COL25A1: variants seen among roughly 807,000 people sequenced by gnomAD.
The protein encoded by COL25A1 is collagen type XXV alpha 1 chain, also known as collagen alpha-1(XXV) chain.
A neutral mutation model predicts 128.4 loss-of-function variants in COL25A1; 103 were observed. The observed-to-expected ratio is 0.80, with a 90% CI of 0.68 to 0.94. The LOEUF is 0.94. COL25A1 is among the 40% of genes least tolerant of loss of function. The probability of loss-of-function intolerance (pLI) is 0.00; values close to 1 mark genes in which losing one functional copy is unlikely to be tolerated. For synonymous variants in COL25A1, 279 were observed against 277.2 expected, an observed-to-expected ratio of 1.01 and a Z score of -0.06; for missense variants, 745 against 840.0, an observed-to-expected ratio of 0.89 and a Z score of 1.40.
intron 4 of COL25A1, among the ~76,000 whole-genome samples, chr4:109,048,497 T>C (rs1227655139): frequency 2.0e-5 from 3 of 152,206 alleles, no homozygotes; most frequent in Admixed American, 6.5e-5. Context: ...GTATGAATTA[T>C]GAGAATATTT....
chr4:109,203,451 C>G (rs1201805533), intron 3 of COL25A1, among the ~76,000 whole-genome samples: 1 of 151,684 alleles, frequency 6.6e-6, no homozygotes, highest in African/African-American at 2.4e-5. Context: ...AGAGCCTCCC[C>G]CAAAGAAGAA....
In COL25A1 at chr4:109,288,962, T is replaced by TATATACAC. The variant is rs1021982305; in HGVS notation, c.367+11620_367+11621insGTGTATAT. ...ACTACCAGGAATACTAAATTATATA[T>TATATACAC]ACACACACACACACACACACACACA... On this transcript the variant is annotated intron_variant, in intron 3 of 37. Coordinates refer to ENST00000399132, the MANE Select transcript of COL25A1 (RefSeq NM_198721.4). 2.0e-3 allele frequency among the ~76,000 whole-genome samples: 270 copies of TATATACAC among 133,602 alleles called. 2 individuals carry two copies. Among genetic ancestry groups the TATATACAC allele is most frequent in the African/African-American group, 6.5e-3 (236 of 36,340 alleles). 87.6% of individuals were successfully genotyped at this position (133,602 alleles called of 152,430 possible). A position where few individuals can be genotyped will look rare whatever the true frequency, so the allele number is the denominator to read the frequency against.
intron 3 of COL25A1, among the ~76,000 whole-genome samples, chr4:109,196,426 T>C (rs1049661115): frequency 6.6e-6 from 1 of 152,142 alleles, no homozygotes; most frequent in African/African-American, 2.4e-5. Context: ...TATATATGTA[T>C]ATATAAATGT....
chr4:109,263,588 C>T lies in COL25A1; in HGVS notation c.367+36995G>A, dbSNP rs527567324. On this transcript the variant is annotated intron_variant, in intron 3 of 37. Coordinates refer to ENST00000399132, the MANE Select transcript of COL25A1 (RefSeq NM_198721.4). ...GTTTATTGGTTTCTACAATCAATTG[C>T]CGTGGAAAACTATAGCTCTGTTCGC... 6.6e-5 allele frequency among the ~76,000 whole-genome samples: 10 copies of T among 152,134 alleles called. No individual in the cohort carries two copies. In the South Asian group the frequency reaches 2.1e-3, roughly 32 times the overall value.
intron 5 of COL25A1, among the ~76,000 whole-genome samples, chr4:109,024,240 T>C (rs1228637796): frequency 1.4e-5 from 2 of 139,410 alleles, no homozygotes; most frequent in Non-Finnish European, 3.0e-5. Flanking sequence ...CATTTTCAAC[T>C]TACTCTGGAT....
chr4:109,005,597 T>C (rs4131963), intron 6 of COL25A1, among the ~76,000 whole-genome samples: 121,024 of 151,902 alleles, frequency 0.8, 49,313 homozygotes, highest in East Asian at 1. Context: ...ATAATAGAAG[T>C]AGACCATTAT....
At chr4:109,009,270 C>A (rs560757055) in intron 6 of COL25A1, among the ~76,000 whole-genome samples, 3 of 152,054 alleles carry the variant, frequency 2.0e-5, no homozygotes, top group Admixed American at 6.5e-5. Context: ...TTAATAATTG[C>A]CTTGAACCAA....
At chr4:108,846,799 C>A (rs184115230) in intron 27 of COL25A1, among the ~76,000 whole-genome samples, 148 of 152,114 alleles carry the variant, frequency 9.7e-4, no homozygotes, top group African/African-American at 3.3e-3. Flanking sequence ...TTATTTTGTT[C>A]TCATGATGTC....
chr4:109,168,895 C>T (rs1489318392), intron 3 of COL25A1, among the ~76,000 whole-genome samples: 1 of 152,130 alleles, frequency 6.6e-6, no homozygotes, highest in Non-Finnish European at 1.5e-5. Flanking sequence ...TGCCATTTTG[C>T]ATCCACACAT....
chr4:108,861,691 T>G (rs193031741), intron 22 of COL25A1, among the ~76,000 whole-genome samples: 205 of 152,324 alleles, frequency 1.3e-3, no homozygotes, highest in African/African-American at 4.5e-3. Flanking sequence ...GCCCTCAAAA[T>G]TCTTAGAAAT....
intron 31 of COL25A1, chr4:108,834,374 T>C: frequency 6.4e-7 from 1 of 1,550,514 alleles, no homozygotes; most frequent in East Asian, 2.4e-5. Context: ...TGGCTTTCCG[T>C]CTAAGCCAGA....
At chr4:109,101,844 T>C (rs1234233878) in intron 3 of COL25A1, among the ~76,000 whole-genome samples, 1 of 152,180 alleles carries the variant, frequency 6.6e-6, no homozygotes, top group Non-Finnish European at 1.5e-5. Context: ...CATCCTGAAC[T>C]TACTGAGCTA....
At chr4:109,036,014 G>A (rs1021521851) in intron 5 of COL25A1, among the ~76,000 whole-genome samples, 24 of 151,876 alleles carry the variant, frequency 1.6e-4, no homozygotes, top group Middle Eastern at 3.4e-3. Flanking sequence ...TGCAAGCTAC[G>A]CCTCCCAGGT....
At chr4:109,129,268 T>A (rs1768935440) in intron 3 of COL25A1, among the ~76,000 whole-genome samples, 1 of 152,004 alleles carries the variant, frequency 6.6e-6, no homozygotes, top group Non-Finnish European at 1.5e-5. Context: ...TAGGTGGGAT[T>A]ACAGGCCTGC....
intron 3 of COL25A1, among the ~76,000 whole-genome samples, chr4:109,087,805 T>C (rs1394603124): frequency 6.6e-6 from 1 of 152,138 alleles, no homozygotes; most frequent in Non-Finnish European, 1.5e-5. Context: ...CCTTGAATAA[T>C]TAGAATTCCC....
rs746459430 is a variant in COL25A1 at position 109,288,955 on chromosome 4, T to TTATATA, written c.367+11622_367+11627dup. ...CATCATTACTACCAGGAATACTAAATTATATATACACACACACACACACAC... is the reference window on the plus strand; with the variant it reads ...CATCATTACTACCAGGAATACTAAATTATATATATATATACACACACACACACACAC... On this transcript the variant is annotated intron_variant, in intron 3 of 37. Coordinates refer to ENST00000399132, the MANE Select transcript of COL25A1 (RefSeq NM_198721.4). Among the ~76,000 whole-genome samples the TTATATA allele has an allele frequency of 2.5e-3, 312 of 124,678 alleles. 3 individuals are homozygous for TTATATA. Among genetic ancestry groups the TTATATA allele is most frequent in the African/African-American group, 8.8e-3 (299 of 34,038 alleles). 81.8% of individuals were successfully genotyped at this position (124,678 alleles called of 152,430 possible). A position where few individuals can be genotyped will look rare whatever the true frequency, so the allele number is the denominator to read the frequency against.
intron 3 of COL25A1, among the ~76,000 whole-genome samples, chr4:109,161,073 AG>A (rs1336131624): frequency 1.3e-5 from 2 of 152,274 alleles, no homozygotes; most frequent in Middle Eastern, 6.8e-3. Context: ...CCTGGCCTCA[AG>A]CGATCCTCCC....
chr4:108,984,464 C>G (rs4956228), intron 6 of COL25A1, among the ~76,000 whole-genome samples: 120,726 of 152,018 alleles, frequency 0.79, 49,134 homozygotes, highest in East Asian at 1. Context: ...GGGAGGCTCC[C>G]GCCGCACAGG....
At chr4:108,882,248 A>AATCAAAATT (rs1384613766) in intron 19 of COL25A1, among the ~76,000 whole-genome samples, 1 of 143,968 alleles carries the variant, frequency 6.9e-6, no homozygotes. Context: ...TAAATAGTAT[A>AATCAAAATT]ATCAAAATTG....
Sources: allele counts gnomAD v4.1 joint callset (sites outside exome capture counted in the v4.1 genomes callset), GRCh38; gene constraint gnomAD v4.1.1; transcripts MANE v1.5; gene names NCBI Gene and HGNC (gene_info 2026-07-23, HGNC 2026-07-21).